Variants in KANK1 observed in about 807,000 individuals in gnomAD.
KANK1 encodes the protein KN motif and ankyrin repeat domain-containing protein 1.
Under a neutral mutation model 106.2 loss-of-function variants are expected in KANK1, and 109 were observed. That is an observed-to-expected ratio of 1.03 (90% CI 0.88 to 1.20). The LOEUF is 1.20. Ranked by LOEUF, KANK1 falls within the 50% of genes most tolerant of loss-of-function variation. KANK1 has a pLI of 0.00. For missense variants in KANK1, 2,399 were observed against 1,710.7 expected (o/e 1.40, Z -7.10); for synonymous variants, 873 against 652.2 (o/e 1.34, Z -5.16).
At chr9:624,007 G>T (rs1236947235) in intron 1 of KANK1, among the ~76,000 whole-genome samples, 2 of 152,102 alleles carry the variant, frequency 1.3e-5, no homozygotes, top group Admixed American at 1.3e-4. Context: ...AATGGTTAAA[G>T]AAAATGTGGT....
chr9:623,452 T>G (rs989622974), intron 1 of KANK1, among the ~76,000 whole-genome samples: 7 of 151,900 alleles, frequency 4.6e-5, no homozygotes, highest in Non-Finnish European at 1.0e-4. Flanking sequence ...TAGCTAGGCG[T>G]GGTGGCATGC....
chr9:555,831 A>G (rs2061549931), intron 1 of KANK1, among the ~76,000 whole-genome samples: 2 of 152,214 alleles, frequency 1.3e-5, no homozygotes, highest in African/African-American at 4.8e-5. Context: ...TTGAAATGCT[A>G]AAACTACCTT....
At chr9:549,711 C>G (rs963279006) in intron 1 of KANK1, 2 of 152,668 alleles carry the variant, frequency 1.3e-5, no homozygotes, top group African/African-American at 2.4e-5. Flanking sequence ...TTCTCCTCCT[C>G]GTCCTCTGAG....
chr9:713,488 G>C lies in KANK1; in HGVS notation c.2698+24G>C, dbSNP rs1181357148. The C allele has an allele frequency of 7.2e-6, 11 of 1,523,554 alleles. No homozygotes were observed. In the East Asian group the frequency reaches 2.3e-4, roughly 32 times the overall value. The allele number at this position is 1,523,554 out of a possible 1,614,324, so 94.4% of individuals were successfully genotyped here. On this transcript the variant is annotated intron_variant, in intron 3 of 11. Transcript: ENST00000382297. ...AGGTAGGTGGTACCCTGAGGACCTG[G>C]GAATGAGGAAGGATGGGGGAAAATG...
At chr9:679,821 T>G (rs1415309097) in intron 2 of KANK1, among the ~76,000 whole-genome samples, 1 of 152,190 alleles carries the variant, frequency 6.6e-6, no homozygotes, top group African/African-American at 2.4e-5. Flanking sequence ...TATATAGTTG[T>G]CAAATGTTAT....
At chr9:498,597 A>G (rs1442878631) in intron 3 of KANK1, among the ~76,000 whole-genome samples, 3 of 152,172 alleles carry the variant, frequency 2.0e-5, no homozygotes, top group Non-Finnish European at 4.4e-5. Context: ...TAATAAAAAG[A>G]CACATAATCT....
chr9:730,941 T>A, intron 4 of KANK1: 1 of 364,850 alleles, frequency 2.7e-6, no homozygotes, highest in South Asian at 3.1e-5. Flanking sequence ...CTGGAAGGAC[T>A]AATTGATTTT....
In KANK1 at chr9:615,531, T is replaced by C. The variant is rs566162269; in HGVS notation, c.-83-61359T>C. On this transcript the variant is annotated intron_variant, in intron 1 of 11. Coordinates refer to ENST00000382297, the MANE Select transcript of KANK1 (RefSeq NM_015158.5). ...TTTCTCTTTTTCTTATCAAATAGAC[T>C]AAAAAGGCTACTCAAGGGCTGGAAT... Among the ~76,000 whole-genome samples, 173 of 152,310 alleles carry C rather than the reference T, an allele frequency of 1.1e-3. 1 individual carries two copies. The highest frequency in any genetic ancestry group is 3.9e-3 in the African/African-American group (163 of 41,568).
chr9:552,819 A>G (rs985545938), intron 1 of KANK1, among the ~76,000 whole-genome samples: 7 of 152,162 alleles, frequency 4.6e-5, no homozygotes, highest in African/African-American at 1.4e-4. Flanking sequence ...AGAATGAGCT[A>G]TTTTTCTACC....
intron 1 of KANK1, among the ~76,000 whole-genome samples, chr9:506,141 C>G (rs531045359): frequency 5.3e-5 from 8 of 152,260 alleles, no homozygotes; most frequent in African/African-American, 1.9e-4. Context: ...AAAAAGAACC[C>G]CTATACCGAT....
chr9:674,981 A>G (rs960138856), intron 1 of KANK1, among the ~76,000 whole-genome samples: 6 of 152,022 alleles, frequency 3.9e-5, no homozygotes, highest in African/African-American at 1.5e-4. Context: ...CTGGGATTAC[A>G]GGTGTGAGCC....
intron 1 of KANK1, among the ~76,000 whole-genome samples, chr9:636,449 C>T (rs1186250720): frequency 6.6e-6 from 1 of 152,170 alleles, no homozygotes; most frequent in Admixed American, 6.5e-5. Flanking sequence ...TCTCATTTCT[C>T]TTCTGTTCCA....
intron 1 of KANK1, among the ~76,000 whole-genome samples, chr9:593,539 C>T (rs1477246547): frequency 6.7e-6 from 1 of 149,508 alleles, no homozygotes; most frequent in Non-Finnish European, 1.5e-5. Context: ...ACACCTGAAG[C>T]CTTTGTTTTT....
intron 5 of KANK1, 23 bp downstream of exon 5, chr9:731,289 G>A (rs1369577711): frequency 7.2e-7 from 1 of 1,394,780 alleles, no homozygotes; most frequent in South Asian, 1.2e-5. Context: ...GGTGGTTCTA[G>A]AGGCTAATGC....
At chr9:744,985 C>T in intron 11 of KANK1, 188 bp from the exon 12 acceptor site, 1 of 1,492,164 alleles carries the variant, frequency 6.7e-7, no homozygotes, top group Non-Finnish European at 8.9e-7. Flanking sequence ...GACAGCCGGA[C>T]ATAGCACTGC....
chr9:652,033 G>A (rs750260399), intron 1 of KANK1, among the ~76,000 whole-genome samples: 8 of 152,100 alleles, frequency 5.3e-5, no homozygotes, highest in Non-Finnish European at 8.8e-5. Context: ...TAACATTTTG[G>A]AGAGAATATA....
At chr9:580,374 A>G (rs1019197372) in intron 1 of KANK1, among the ~76,000 whole-genome samples, 1 of 152,198 alleles carries the variant, frequency 6.6e-6, no homozygotes, top group African/African-American at 2.4e-5. Flanking sequence ...AAGCTTCCAC[A>G]CTGTGGGAGG....
At chr9:547,781 A>G (rs1422971946) in intron 1 of KANK1, among the ~76,000 whole-genome samples, 1 of 152,236 alleles carries the variant, frequency 6.6e-6, no homozygotes, top group East Asian at 1.9e-4. Context: ...TCCACAAAAT[A>G]GTAAAACACA....
intron 1 of KANK1, among the ~76,000 whole-genome samples, chr9:599,923 A>G (rs983232114): frequency 6.6e-6 from 1 of 151,776 alleles, no homozygotes; most frequent in African/African-American, 2.4e-5. Flanking sequence ...TTGGTGTTTT[A>G]TAGTATAAAT....
Sources: allele counts gnomAD v4.1 joint callset (sites outside exome capture counted in the v4.1 genomes callset), GRCh38; gene constraint gnomAD v4.1.1; transcripts MANE v1.5; gene names NCBI Gene and HGNC (gene_info 2026-07-23, HGNC 2026-07-21).